The following MAF variants were observed in gnomAD, a reference collection of about 807,000 sequenced individuals.
MAF encodes transcription factor Maf.
MAF carries 10 observed loss-of-function variants against 22.0 expected under a neutral mutation model. The observed-to-expected ratio is 0.45, with a 90% CI of 0.28 to 0.77. The LOEUF (loss-of-function observed/expected upper bound fraction) is 0.77. MAF is among the 30% of genes least tolerant of loss of function. MAF has a pLI of 0.12. For missense variants in MAF, 544 were observed against 548.4 expected (o/e 0.99, Z 0.08); for synonymous variants, 337 against 255.8 (o/e 1.32, Z -3.03).
the MAF span, among the ~76,000 whole-genome samples, chr16:79,404,580 G>C: frequency 1.1e-4 from 16 of 152,250 alleles, no homozygotes; most frequent in South Asian, 1.7e-3. Context: ...GGGTGCCGCA[G>C]AGTCAATGAA....
At chr16:79,305,617 G>C in the MAF span, among the ~76,000 whole-genome samples, 1 of 152,198 alleles carries the variant, frequency 6.6e-6, no homozygotes, top group Non-Finnish European at 1.5e-5. Context: ...TGGTGCACCA[G>C]AGAGATAATA....
At chr16:79,423,976 T>C in the MAF span, among the ~76,000 whole-genome samples, 1 of 152,216 alleles carries the variant, frequency 6.6e-6, no homozygotes, top group South Asian at 2.1e-4. Flanking sequence ...TTAAGATTCA[T>C]TAGCCTGCTA....
the MAF span, among the ~76,000 whole-genome samples, chr16:79,467,773 C>G: frequency 6.6e-6 from 1 of 152,122 alleles, no homozygotes; most frequent in Non-Finnish European, 1.5e-5. Flanking sequence ...TGAACCACTG[C>G]TCTAAGTGTT....
At chr16:79,564,434 AG>A in the MAF span, among the ~76,000 whole-genome samples, 3 of 152,228 alleles carry the variant, frequency 2.0e-5, no homozygotes, top group Non-Finnish European at 2.9e-5. Flanking sequence ...GAGATAGGCA[AG>A]GGGGAAGTAG....
the MAF span, among the ~76,000 whole-genome samples, chr16:79,376,938 G>C: frequency 6.6e-6 from 1 of 152,188 alleles, no homozygotes; most frequent in Admixed American, 6.5e-5. Flanking sequence ...GGACATTTGG[G>C]TTGGTTCCAA....
At chr16:79,324,564 T>C in the MAF span, among the ~76,000 whole-genome samples, 2 of 152,184 alleles carry the variant, frequency 1.3e-5, no homozygotes, top group Non-Finnish European at 2.9e-5. Context: ...ATCTTTATGT[T>C]ATACAAATAA....
chr16:79,473,340 A>G, the MAF span, among the ~76,000 whole-genome samples: 180 of 152,248 alleles, frequency 1.2e-3, no homozygotes, highest in African/African-American at 4.2e-3. Context: ...TATAACAATG[A>G]TTGTTCCAGG....
chr16:79,247,207 C>G, the MAF span, among the ~76,000 whole-genome samples: 1 of 152,094 alleles, frequency 6.6e-6, no homozygotes, highest in Non-Finnish European at 1.5e-5. Flanking sequence ...TGTGAGAGCT[C>G]AGAGGCAAGA....
chr16:79,241,172 A>G, the MAF span, among the ~76,000 whole-genome samples: 1 of 152,104 alleles, frequency 6.6e-6, no homozygotes, highest in Admixed American at 6.6e-5. Flanking sequence ...CAAGGGAACA[A>G]AACTGGATGG....
chr16:79,364,787 C>A, the MAF span, among the ~76,000 whole-genome samples: 2 of 152,144 alleles, frequency 1.3e-5, no homozygotes, highest in Admixed American at 6.5e-5. Context: ...CCGTGTTAGA[C>A]CCTTAAAGAG....
At chr16:79,397,215 T>C in the MAF span, among the ~76,000 whole-genome samples, 1 of 152,186 alleles carries the variant, frequency 6.6e-6, no homozygotes, top group East Asian at 1.9e-4. Context: ...ATCTGTGTCT[T>C]CCACAACCAT....
chr16:79,542,873 G>T, the MAF span, among the ~76,000 whole-genome samples: 1 of 152,206 alleles, frequency 6.6e-6, no homozygotes, highest in Admixed American at 6.5e-5. Context: ...TTCCACATAA[G>T]TTAGACTCTG....
At chr16:79,501,319 T>A in the MAF span, among the ~76,000 whole-genome samples, 1 of 152,140 alleles carries the variant, frequency 6.6e-6, no homozygotes, top group African/African-American at 2.4e-5. Flanking sequence ...GTCATTGGAT[T>A]TAGGATCCTC....
chr16:79,589,353 TA>T (rs760166170), downstream of MAF, among the ~76,000 whole-genome samples: 13 of 152,300 alleles, frequency 8.5e-5, no homozygotes, highest in East Asian at 2.5e-3. Context: ...CTTTGTTTTA[TA>T]ATGTGCATCA....
chr16:79,530,610 T>C, the MAF span, among the ~76,000 whole-genome samples: 1 of 152,198 alleles, frequency 6.6e-6, no homozygotes, highest in African/African-American at 2.4e-5. Context: ...AAAACAAAGA[T>C]ACAACATAAA....
chr16:79,272,405 T>C, the MAF span, among the ~76,000 whole-genome samples: 1 of 152,208 alleles, frequency 6.6e-6, no homozygotes, highest in Non-Finnish European at 1.5e-5. Context: ...CGCCTGCTCC[T>C]GGGCTGCCAG....
the MAF span, among the ~76,000 whole-genome samples, chr16:79,326,873 G>A: frequency 6.6e-6 from 1 of 152,232 alleles, no homozygotes; most frequent in African/African-American, 2.4e-5. Flanking sequence ...GTATCTGGGA[G>A]CCTCTGAACA....
the MAF span, among the ~76,000 whole-genome samples, chr16:79,402,376 G>A: frequency 6.6e-6 from 1 of 152,176 alleles, no homozygotes; most frequent in Admixed American, 6.5e-5. Context: ...CTTGGAAATG[G>A]GGAGCAGGAA....
At chr16:79,496,495 C>T in the MAF span, among the ~76,000 whole-genome samples, 2 of 152,200 alleles carry the variant, frequency 1.3e-5, no homozygotes, top group East Asian at 1.9e-4. Context: ...CATGACACTC[C>T]TCAGGTTCTG....
Sources: allele counts gnomAD v4.1 joint callset (sites outside exome capture counted in the v4.1 genomes callset), GRCh38; gene constraint gnomAD v4.1.1; transcripts MANE v1.5; gene names NCBI Gene and HGNC (gene_info 2026-07-23, HGNC 2026-07-21).